The following URGCP variants were observed in gnomAD, a reference collection of about 807,000 sequenced individuals.
URGCP encodes the protein up-regulator of cell proliferation.
A neutral mutation model predicts 24.6 loss-of-function variants in URGCP; 13 were observed. The observed-to-expected ratio is 0.53, with a 90% CI of 0.34 to 0.84. URGCP has a LOEUF of 0.84. Ranked by LOEUF, URGCP falls within the 40% of genes least tolerant of loss-of-function variation. The pLI, the probability that URGCP is intolerant of heterozygous loss-of-function variation, is 0.01. For missense variants in URGCP, 899 were observed against 1,194.3 expected (o/e 0.75, Z 3.64); for synonymous variants, 444 against 487.2 (o/e 0.91, Z 1.17).
At chr7:43,889,072 C>G (rs550612018) in intron 1 of URGCP, 1 of 152,314 alleles carries the variant, frequency 6.6e-6, no homozygotes, top group East Asian at 1.9e-4. Flanking sequence ...TGATTTAAAA[C>G]CATTGAAAAC....
chr7:43,878,238 T>G lies in URGCP; in HGVS notation c.1225A>C (p.Lys409Gln). The stretch of plus-strand genomic sequence containing the variant: ...ACCAGGACATGTGAGTGGTCTATTT[T>G]CAGCACAGGAATTAACTTATTCAGA... Reference protein sequence around the residue: ...RFLNKLIPVLKIDHSHVLVKV... With the variant: ...RFLNKLIPVLQIDHSHVLVKV... The change falls in exon 6 of 6, where the codon AAA (lysine) becomes CAA (glutamine). Residue 409 changes from lysine (K) to glutamine (Q), a missense_variant. Coordinates refer to ENST00000453200, the MANE Select transcript of URGCP (RefSeq NM_001077663.3). The surrounding 1 kb of genome is among the most constrained non-coding windows in gnomAD (Gnocchi z 5.6). 1 of 1,614,246 alleles carries G rather than the reference T, an allele frequency of 6.2e-7. No homozygotes were observed. Among genetic ancestry groups the G allele is most frequent in the Non-Finnish European group, 8.5e-7 (1 of 1,180,050 alleles).
intron 1 of URGCP, among the ~76,000 whole-genome samples, chr7:43,891,727 T>C (rs148535608): frequency 1.8e-3 from 267 of 152,350 alleles, no homozygotes; most frequent in Non-Finnish European, 3.4e-3. Context: ...GTGATTCTTA[T>C]GCCTCAGCCA....
intron 1 of URGCP, among the ~76,000 whole-genome samples, chr7:43,915,767 G>A (rs1324285503): frequency 6.6e-6 from 1 of 152,258 alleles, no homozygotes; most frequent in Non-Finnish European, 1.5e-5. Flanking sequence ...CCAGCACTTT[G>A]GGAGGCTGAG....
intron 1 of URGCP, chr7:43,888,340 A>G (rs2095865177): frequency 6.6e-6 from 1 of 152,170 alleles, no homozygotes; most frequent in Admixed American, 6.6e-5. Context: ...TGTCTCTACT[A>G]AAAATATAAA....
intron 1 of URGCP, among the ~76,000 whole-genome samples, chr7:43,892,302 C>T (rs1411432023): frequency 6.7e-6 from 1 of 148,504 alleles, no homozygotes; most frequent in African/African-American, 2.5e-5. Flanking sequence ...CGGCTCACTG[C>T]AACCTCTGCC....
In URGCP at chr7:43,876,623, G is replaced by A. The variant is rs753121546; in HGVS notation, c.*44C>T. On this transcript the variant is annotated 3_prime_UTR_variant, in exon 6 of 6. Coordinates refer to ENST00000453200, the MANE Select transcript of URGCP (RefSeq NM_001077663.3). ...CACGGGTGCCCCATCAGACAGGGCTGCCCACAGCAGCCTCCTACACCTGAA... is the reference window on the plus strand; with the variant it reads ...CACGGGTGCCCCATCAGACAGGGCTACCCACAGCAGCCTCCTACACCTGAA... 16 of 1,585,316 alleles carry A rather than the reference G, an allele frequency of 1.0e-5. No homozygotes were observed. The East Asian group carries it at 2.7e-4, about 27-fold the overall frequency.
intron 3 of URGCP, among the ~76,000 whole-genome samples, chr7:43,886,223 A>G (rs1309508278): frequency 1.3e-5 from 2 of 152,340 alleles, no homozygotes; most frequent in East Asian, 3.9e-4. Flanking sequence ...CCTGGGTTCA[A>G]GCGAACCTCT....
intron 1 of URGCP, among the ~76,000 whole-genome samples, chr7:43,895,574 C>T (rs574532202): frequency 2.0e-5 from 3 of 152,312 alleles, no homozygotes; most frequent in Admixed American, 2.0e-4. Flanking sequence ...ACTCAGGAGG[C>T]TGAGGCATGA....
At position 43,878,296 on chromosome 7, in the gene URGCP, G is replaced by C; in HGVS notation, c.1167C>G (p.Pro389=). 6.2e-7 allele frequency: 1 copy of C among 1,614,238 alleles called. No individual in the cohort carries two copies. The change falls in exon 6 of 6, where the codon CCC becomes CCG. Residue 389 remains proline, a synonymous_variant. Coordinates refer to ENST00000453200, the MANE Select transcript of URGCP (RefSeq NM_001077663.3). This position sits in a 1 kb window ranked among gnomAD's most constrained non-coding sequence, Gnocchi z 5.6. The part of the protein sequence containing the change: ...STTKYYFILS[P]YRGKRNTNLR... ...GGTTTGTGTTGCGCTTCCCACGGTA[G>C]GGACTCAGGATGAAGTAGTATTTTG...
intron 1 of URGCP, among the ~76,000 whole-genome samples, chr7:43,916,686 G>A (rs929502921): frequency 6.7e-6 from 1 of 149,336 alleles, no homozygotes; most frequent in Non-Finnish European, 1.5e-5. Flanking sequence ...ATATGGGTAA[G>A]AGCAGATAAT....
At position 43,877,751 on chromosome 7, in the gene URGCP, T is replaced by C; in HGVS notation, c.1712A>G (p.Glu571Gly). Residue 571 changes from glutamate to glycine, a missense_variant, in exon 6 of 6, where the codon GAG (glutamate) becomes GGG (glycine). By Grantham distance (98) the Glu-to-Gly change is moderately conservative. Coordinates refer to ENST00000453200, the MANE Select transcript of URGCP (RefSeq NM_001077663.3). ...CTGGGCCACCCGTGCCAGGCCCCACTCCATCCACCTCAGGAAGTACTGCTT... is the reference window on the plus strand; with the variant it reads ...CTGGGCCACCCGTGCCAGGCCCCACCCCATCCACCTCAGGAAGTACTGCTT... The part of the protein sequence containing the change: ...SEKQYFLRWM[E>G]WGLARVAQPR... 1 of 1,605,612 alleles carries C rather than the reference T, an allele frequency of 6.2e-7. No homozygotes were observed. Among genetic ancestry groups the C allele is most frequent in the Non-Finnish European group, 8.5e-7 (1 of 1,176,128 alleles).
At position 43,877,731 on chromosome 7, in the gene URGCP, C is replaced by G. The variant is rs775852308; in HGVS notation, c.1732G>C (p.Ala578Pro). 1 of 1,609,104 alleles carries G rather than the reference C, an allele frequency of 6.2e-7. No homozygotes were observed. Among genetic ancestry groups the G allele is most frequent in the Non-Finnish European group, 8.5e-7 (1 of 1,178,008 alleles). ...RWMEWGLARV[A>P]QPRLRQPPET... is the part of the protein sequence containing the mutation. Reference sequence around the variant, plus strand: ...GGAGGCTGTCTCAGTCGCGGCTGGGCCACCCGTGCCAGGCCCCACTCCATC... The same window carrying G: ...GGAGGCTGTCTCAGTCGCGGCTGGGGCACCCGTGCCAGGCCCCACTCCATC... The change falls in exon 6 of 6, where the codon GCC (alanine) becomes CCC (proline). Residue 578 changes from alanine to proline, a missense_variant. Physicochemically the swap from Ala to Pro is conservative, Grantham distance 27. Transcript: ENST00000453200.
upstream of URGCP, among the ~76,000 whole-genome samples, chr7:43,910,382 A>AT (rs1158648185): frequency 0.017 from 1,532 of 90,086 alleles, 108 homozygotes; most frequent in African/African-American, 0.05. Context: ...TGTCTGGCTA[A>AT]TTTTTTTTTT....
intron 3 of URGCP, 63 bp downstream of exon 3, chr7:43,887,352 C>A (rs2132668090): frequency 6.3e-7 from 1 of 1,586,722 alleles, no homozygotes; most frequent in Non-Finnish European, 8.6e-7. Context: ...CCCAGAATCC[C>A]AAGGGGACAG....
chr7:43,893,515 C>G (rs1322585897), intron 1 of URGCP, among the ~76,000 whole-genome samples: 1 of 152,052 alleles, frequency 6.6e-6, no homozygotes, highest in Non-Finnish European at 1.5e-5. Context: ...AAATGAGACC[C>G]AACTCTATGT....
rs534311896 is a variant in URGCP, at chr7:43,917,566, C to T, written c.-116+8566G>A. Among the ~76,000 whole-genome samples, 99 of 152,312 alleles carry T rather than the reference C, an allele frequency of 6.5e-4. 1 individual carries two copies. In the South Asian group the frequency reaches 0.02, roughly 31 times the overall value. On this transcript the variant is annotated intron_variant, in intron 1 of 5. Coordinates refer to the URGCP transcript ENST00000426198. Reference sequence around the variant, plus strand: ...TCAATCCTGGCTTAGGGAATGAGTCCTTTCTGGCTTGATATCTTTGTGACC... The same window carrying T: ...TCAATCCTGGCTTAGGGAATGAGTCTTTTCTGGCTTGATATCTTTGTGACC...
At chr7:43,888,003 G>A in intron 1 of URGCP, 187 bp from the exon 2 acceptor site, 1 of 563,358 alleles carries the variant, frequency 1.8e-6, no homozygotes, top group African/African-American at 1.9e-5. Flanking sequence ...ATTAGGGAAA[G>A]CTGTTATATT....
At position 43,877,949 on chromosome 7, in the gene URGCP, G is replaced by A; in HGVS notation, c.1514C>T (p.Ala505Val). 6.2e-7 allele frequency: 1 copy of A among 1,614,092 alleles called. No individual in the cohort carries two copies. Among genetic ancestry groups the A allele is most frequent in the Non-Finnish European group, 8.5e-7 (1 of 1,180,036 alleles). The change falls in exon 6 of 6, where the codon GCC (alanine) becomes GTC (valine). Residue 505 changes from alanine (A) to valine (V), a missense_variant. Ala to Val is a moderately conservative substitution (Grantham distance 64, BLOSUM62 0). Transcript: ENST00000453200. ...CTGGCAGAACTCCTTCTCCACTTGG[G>A]CTGCCTTTCTCCAGGGGTCCCCCTG... ...RLQGDPWRKA[A>V]QVEKEFCQLQ...
chr7:43,926,537 C>T (rs766557323), upstream of URGCP: 5 of 1,565,068 alleles, frequency 3.2e-6, no homozygotes, highest in African/African-American at 2.8e-5. Context: ...GGTAGGATGG[C>T]GCTAAAGCGG....
Sources: gnomAD v4.1 joint callset for allele counts (sites outside exome capture counted in the v4.1 genomes callset) on GRCh38, gnomAD v4.1.1 for gene constraint, Gnocchi (gnomAD v3.1) non-coding constraint, MANE v1.5 for transcripts, NCBI Gene and HGNC (gene_info 2026-07-23, HGNC 2026-07-21) for gene names.